The following GDI2 variants were observed in gnomAD, a reference collection of about 807,000 sequenced individuals.
GDI2 encodes the protein rab GDP dissociation inhibitor beta.
In GDI2, 22 loss-of-function variants were observed where a neutral mutation model predicts 54.2. The ratio of observed to expected loss-of-function variants is 0.41; its 90% confidence interval spans 0.29 to 0.58. GDI2 has a LOEUF of 0.58. Ranked by LOEUF, GDI2 falls within the 20% of genes least tolerant of loss-of-function variation. GDI2 has a pLI of 0.35. For synonymous variants in GDI2, 177 were observed against 182.1 expected, an observed-to-expected ratio of 0.97 and a Z score of 0.23; for missense variants, 422 against 546.0, an observed-to-expected ratio of 0.77 and a Z score of 2.26.
chr10:5,771,044 T>A (rs1462385587), intron 7 of GDI2, among the ~76,000 whole-genome samples: 2 of 146,626 alleles, frequency 1.4e-5, no homozygotes, highest in Admixed American at 1.4e-4. Flanking sequence ...GGAAAAAGAC[T>A]AATATTCAGT....
chr10:5,773,875 A>T lies in GDI2; in HGVS notation c.786T>A (p.Asn262Lys), dbSNP rs886241148. The change falls in exon 7 of 11, where the codon AAT (asparagine) becomes AAA (lysine). Residue 262 changes from asparagine to lysine, a missense_variant. Transcript: ENST00000380191. ...NKPIEEIIVQ[N>K]GKVIGVKSEG... ...CAGATTTTACACCAATTACTTTTCCATTCTGTACAATGATTTCTTCAATGG... is the reference window on the plus strand; with the variant it reads ...CAGATTTTACACCAATTACTTTTCCTTTCTGTACAATGATTTCTTCAATGG... 4.6e-6 allele frequency: 7 copies of T among 1,531,894 alleles called. No individual in the cohort carries two copies. Among genetic ancestry groups the T allele is most frequent in the Admixed American group, 1.7e-5 (1 of 58,136 alleles). The allele number at this position is 1,531,894 out of a possible 1,614,324, so 94.9% of individuals were successfully genotyped here.
chr10:5,797,944 A>C (rs937629647), intron 2 of GDI2, among the ~76,000 whole-genome samples: 2 of 152,234 alleles, frequency 1.3e-5, no homozygotes, highest in Non-Finnish European at 2.9e-5. Context: ...TCCTAATCAG[A>C]AAAGATAATT....
At chr10:5,800,383 T>C (rs1841241903) in intron 2 of GDI2, among the ~76,000 whole-genome samples, 1 of 152,156 alleles carries the variant, frequency 6.6e-6, no homozygotes, top group Non-Finnish European at 1.5e-5. Flanking sequence ...CCTAGACTAT[T>C]CTCTGTTAAT....
chr10:5,788,556 C>T (rs183241966), intron 4 of GDI2, among the ~76,000 whole-genome samples: 1 of 152,196 alleles, frequency 6.6e-6, no homozygotes, highest in African/African-American at 2.4e-5. Flanking sequence ...TTGCCTTGGG[C>T]CACACATAAA....
chr10:5,805,745 T>C (rs1452654752), intron 1 of GDI2, among the ~76,000 whole-genome samples: 2 of 152,226 alleles, frequency 1.3e-5, no homozygotes, highest in African/African-American at 4.8e-5. Flanking sequence ...AAAGCTGTGT[T>C]TGCAAATTTT....
At chr10:5,810,085 CA>C (rs1364582795) in intron 1 of GDI2, among the ~76,000 whole-genome samples, 3 of 152,160 alleles carry the variant, frequency 2.0e-5, no homozygotes, top group Non-Finnish European at 4.4e-5. Flanking sequence ...ATCCAAGAGG[CA>C]ATCTGAATTT....
At chr10:5,812,952 G>A (rs1463448984) in intron 1 of GDI2, among the ~76,000 whole-genome samples, 3 of 152,194 alleles carry the variant, frequency 2.0e-5, no homozygotes, top group Non-Finnish European at 4.4e-5. Context: ...GCAGAGGCCG[G>A]GCTCGGCCGT....
At chr10:5,813,102 C>A in intron 1 of GDI2, 112 bp downstream of exon 1, 1 of 627,538 alleles carries the variant, frequency 1.6e-6, no homozygotes, top group South Asian at 2.2e-5. Context: ...CCGAAAACTA[C>A]GGCTGACGGC....
At chr10:5,777,943 T>C (rs1229883069) in intron 6 of GDI2, among the ~76,000 whole-genome samples, 1 of 152,172 alleles carries the variant, frequency 6.6e-6, no homozygotes, top group African/African-American at 2.4e-5. Context: ...CACCATGGAA[T>C]ACTATGCAGC....
Position 5,779,694 on chromosome 10 carries a change from C to CTT in GDI2, c.719+5446_719+5447dup, listed in dbSNP as rs368605604. Among the ~76,000 whole-genome samples the CTT allele has an allele frequency of 9.4e-3, 1,320 of 139,826 alleles. 13 individuals are homozygous for CTT. The highest frequency in any genetic ancestry group is 0.027 in the South Asian group (117 of 4,390). The allele number at this position is 139,826 out of a possible 152,430, so 91.7% of individuals were successfully genotyped here. A position where few individuals can be genotyped will look rare whatever the true frequency, so the allele number is the denominator to read the frequency against. On this transcript the variant is annotated intron_variant, in intron 6 of 10. Coordinates refer to ENST00000380191, the MANE Select transcript of GDI2 (RefSeq NM_001494.4). The stretch of plus-strand genomic sequence containing the variant: ...GAGGGGGAAAAAAAAAAGTTTGATG[C>CTT]TTTTTTTTTTTTTGTAAGAGACAGG...
chr10:5,770,006 C>A (rs1005534563), intron 7 of GDI2, among the ~76,000 whole-genome samples: 3 of 152,200 alleles, frequency 2.0e-5, no homozygotes, highest in African/African-American at 7.2e-5. Context: ...AATGGATAAG[C>A]AAACTATGGT....
At chr10:5,811,959 G>GT (rs977780848) in intron 1 of GDI2, 2 of 750,240 alleles carry the variant, frequency 2.7e-6, no homozygotes, top group Non-Finnish European at 3.5e-6. Context: ...GATGTTACCT[G>GT]TAAAAAAAAA....
chr10:5,803,250 T>C (rs1841308178), intron 1 of GDI2, among the ~76,000 whole-genome samples: 1 of 152,144 alleles, frequency 6.6e-6, no homozygotes, highest in South Asian at 2.1e-4. Flanking sequence ...GGCAAAACCC[T>C]ATCTCTGCAA....
At position 5,766,723 on chromosome 10, in the gene GDI2, G is replaced by A; in HGVS notation, c.992-85C>T. 1 of 1,091,888 alleles carries A rather than the reference G, an allele frequency of 9.2e-7. No homozygotes were observed. Among genetic ancestry groups the A allele is most frequent in the Non-Finnish European group, 1.4e-6 (1 of 727,524 alleles). The allele number at this position is 1,091,888 out of a possible 1,614,324, so 67.6% of individuals were successfully genotyped here. A position where few individuals can be genotyped will look rare whatever the true frequency, so the allele number is the denominator to read the frequency against. ...TCAGGTATCACCCATATGTCATGAG[G>A]TGTGAGTTAAAATTACTCTCAATAG... is the stretch of plus-strand genomic sequence containing the variant. On this transcript the variant is annotated intron_variant, in intron 8 of 10. Transcript: ENST00000380191. The surrounding 1 kb of genome is among the most constrained non-coding windows in gnomAD (Gnocchi z 5.8).
At chr10:5,791,003 A>T (rs912666082) in intron 4 of GDI2, among the ~76,000 whole-genome samples, 5 of 152,148 alleles carry the variant, frequency 3.3e-5, no homozygotes, top group Non-Finnish European at 7.4e-5. Context: ...CAAAAAATTT[A>T]AAAAATTATA....
intron 4 of GDI2, among the ~76,000 whole-genome samples, chr10:5,789,529 C>G (rs1278445215): frequency 6.6e-6 from 1 of 152,096 alleles, no homozygotes; most frequent in African/African-American, 2.4e-5. Context: ...TCAAGCAATC[C>G]TCCTGCCTTG....
Position 5,766,860 on chromosome 10 carries a change from G to A in GDI2, c.992-222C>T, listed in dbSNP as rs568793056. Among the ~76,000 whole-genome samples the A allele has an allele frequency of 6.6e-6, 1 of 152,210 alleles. No individual in the cohort carries two copies. Among genetic ancestry groups the A allele is most frequent in the Non-Finnish European group, 1.5e-5 (1 of 68,038 alleles). On this transcript the variant is annotated intron_variant, in intron 8 of 10. Coordinates refer to ENST00000380191, the MANE Select transcript of GDI2 (RefSeq NM_001494.4). This position sits in a 1 kb window ranked among gnomAD's most constrained non-coding sequence, Gnocchi z 5.8. ...CTACTAGAGATTAAGAATTGAAGTG[G>A]TAGCGAACTGCTGAAGTTTGGAATG...
chr10:5,791,750 G>A (rs201580933), intron 4 of GDI2, among the ~76,000 whole-genome samples: 642 of 137,068 alleles, frequency 4.7e-3, no homozygotes, highest in Middle Eastern at 7.6e-3. Context: ...CAAAAAAAAA[G>A]AAAAAAAAAA....
At chr10:5,786,457 G>A (rs926149312) in intron 4 of GDI2, among the ~76,000 whole-genome samples, 3 of 151,828 alleles carry the variant, frequency 2.0e-5, no homozygotes, top group Admixed American at 6.6e-5. Context: ...ATGAGCCACC[G>A]CGCCTAAAAT....
Sources: gnomAD v4.1 joint callset for allele counts (sites outside exome capture counted in the v4.1 genomes callset) on GRCh38, gnomAD v4.1.1 for gene constraint, Gnocchi (gnomAD v3.1) non-coding constraint, MANE v1.5 for transcripts, NCBI Gene and HGNC (gene_info 2026-07-23, HGNC 2026-07-21) for gene names.